Variants in RBFOX1 observed in about 807,000 individuals in gnomAD.
RBFOX1 encodes RNA binding fox-1 homolog 1.
A neutral mutation model predicts 57.7 loss-of-function variants in RBFOX1; 8 were observed. The ratio of observed to expected loss-of-function variants is 0.14; its 90% CI spans 0.08 to 0.25. The LOEUF is 0.25. Ranked by LOEUF, RBFOX1 falls within the 10% of genes least tolerant of loss-of-function variation. RBFOX1 has a pLI of 1.00. For missense variants in RBFOX1, 611 were observed against 548.5 expected (o/e 1.11, Z -1.14); for synonymous variants, 326 against 222.4 (o/e 1.47, Z -4.15).
chr16:5,287,141 C>G (rs1039912563), intron 1 of RBFOX1, among the ~76,000 whole-genome samples: 5 of 151,966 alleles, frequency 3.3e-5, no homozygotes, highest in Admixed American at 1.3e-4. Flanking sequence ...CCTGTCTCTG[C>G]AAAGAATAAA....
chr16:6,882,442 A>T (rs2063141212), intron 3 of RBFOX1, among the ~76,000 whole-genome samples: 1 of 152,016 alleles, frequency 6.6e-6, no homozygotes, highest in South Asian at 2.1e-4. Context: ...TAAAAATACA[A>T]AATTATCTGG....
intron 4 of RBFOX1, among the ~76,000 whole-genome samples, chr16:5,963,833 G>A (rs1370609541): frequency 6.6e-6 from 1 of 152,180 alleles, no homozygotes; most frequent in Non-Finnish European, 1.5e-5. Flanking sequence ...AAAGTGCCTT[G>A]ACATTGGTCT....
intron 3 of RBFOX1, among the ~76,000 whole-genome samples, chr16:7,016,221 T>C (rs1212015031): frequency 1.3e-5 from 2 of 152,158 alleles, no homozygotes; most frequent in Non-Finnish European, 2.9e-5. Context: ...CATCAACATG[T>C]ATCCCCAAGT....
chr16:6,503,778 G>C lies in RBFOX1; in HGVS notation c.-63-150825G>C, dbSNP rs548612043. On this transcript the variant is annotated intron_variant, in intron 2 of 15. Transcript: ENST00000550418. The stretch of plus-strand genomic sequence containing the variant: ...AATCCCAGAGTGAGTGATGTCTCGC[G>C]ATGGAGGAAGCTTCACACTCACCTG... 2.6e-5 allele frequency among the ~76,000 whole-genome samples: 4 copies of C among 152,254 alleles called. No individual in the cohort carries two copies. In the East Asian group the frequency reaches 5.8e-4, roughly 22 times the overall value.
At chr16:6,347,722 C>A (rs1396522181) in intron 2 of RBFOX1, among the ~76,000 whole-genome samples, 1 of 152,172 alleles carries the variant, frequency 6.6e-6, no homozygotes, top group African/African-American at 2.4e-5. Flanking sequence ...CAAATAATAT[C>A]ATAAGACACA....
chr16:6,297,719 G>T (rs1232418786), intron 1 of RBFOX1, among the ~76,000 whole-genome samples: 2 of 152,024 alleles, frequency 1.3e-5, no homozygotes, highest in East Asian at 3.9e-4. Flanking sequence ...GTTCCAGAAG[G>T]AGATGAAGAG....
intron 1 of RBFOX1, among the ~76,000 whole-genome samples, chr16:5,446,797 C>T (rs1277115118): frequency 1.3e-5 from 2 of 152,132 alleles, no homozygotes; most frequent in African/African-American, 4.8e-5. Flanking sequence ...CTAGTTCTCA[C>T]AGCTGGGCTC....
intron 4 of RBFOX1, among the ~76,000 whole-genome samples, chr16:5,963,893 T>G (rs2059797686): frequency 6.6e-6 from 1 of 151,942 alleles, no homozygotes; most frequent in African/African-American, 2.4e-5. Flanking sequence ...AAAGCAAAAA[T>G]AAAAAGTGGT....
intron 4 of RBFOX1, among the ~76,000 whole-genome samples, chr16:7,444,542 T>A (rs574635934): frequency 6.6e-6 from 1 of 150,626 alleles, no homozygotes; most frequent in South Asian, 2.1e-4. Flanking sequence ...TTGGGTAGCC[T>A]TTTTTTTTGA....
chr16:7,689,831 G>T (rs181013665), intron 14 of RBFOX1, among the ~76,000 whole-genome samples: 1 of 152,042 alleles, frequency 6.6e-6, no homozygotes, highest in Non-Finnish European at 1.5e-5. Context: ...GGCCACTGTA[G>T]AGCAGTTTCT....
intron 4 of RBFOX1, among the ~76,000 whole-genome samples, chr16:7,171,310 G>C (rs1274002113): frequency 4.6e-5 from 7 of 152,170 alleles, no homozygotes; most frequent in Admixed American, 2.0e-4. Context: ...CAGTGTCATT[G>C]TACATCCCAA....
chr16:6,710,625 C>T lies in RBFOX1; in HGVS notation c.-16+55975C>T, dbSNP rs113195925. ...AAAGAAGCCTAATTCAAATGAGCTA[C>T]AGCAAGGGAAGAAAAATTGTCTCAA... is the stretch of plus-strand genomic sequence containing the variant. On this transcript the variant is annotated intron_variant, in intron 3 of 15. Transcript: ENST00000550418. 2.8e-3 allele frequency among the ~76,000 whole-genome samples: 432 copies of T among 152,348 alleles called. 3 individuals are homozygous for T. The highest frequency in any genetic ancestry group is 0.01 in the African/African-American group (416 of 41,582).
intron 4 of RBFOX1, among the ~76,000 whole-genome samples, chr16:7,129,015 T>G (rs2069436134): frequency 6.6e-6 from 1 of 151,948 alleles, no homozygotes; most frequent in Non-Finnish European, 1.5e-5. Flanking sequence ...GAGATGAGGT[T>G]TCACCATGTT....
At chr16:7,475,263 G>A (rs1324369077) in intron 4 of RBFOX1, among the ~76,000 whole-genome samples, 1 of 151,902 alleles carries the variant, frequency 6.6e-6, no homozygotes, top group African/African-American at 2.4e-5. Context: ...TCCTTCAAAG[G>A]GAGGAGTGTG....
intron 3 of RBFOX1, among the ~76,000 whole-genome samples, chr16:6,859,119 A>ATATATATATATGTATATATATATATATG (rs2058442693): frequency 1.1e-4 from 9 of 82,178 alleles, no homozygotes; most frequent in Admixed American, 2.8e-4. Context: ...GTGTATATAT[A>ATATATATATATGTATATATATATATATG]TATATATATA....
In RBFOX1 at chr16:5,630,372, G is replaced by A. The variant is rs374380804; in HGVS notation, c.318+31411G>A. ...CTCAGGAGGCTGAGGGAGGAGAATC[G>A]TTTGAACCCGGGAGGTGGAGTTTGC... On this transcript the variant is annotated intron_variant, in intron 3 of 19. Transcript: ENST00000641259. Among the ~76,000 whole-genome samples the A allele has an allele frequency of 2.6e-4, 39 of 152,156 alleles. No homozygotes were observed. In the East Asian group the frequency reaches 4.8e-3, roughly 19 times the overall value.
chr16:7,560,847 G>C (rs992611629), intron 5 of RBFOX1, among the ~76,000 whole-genome samples: 1 of 152,190 alleles, frequency 6.6e-6, no homozygotes, highest in African/African-American at 2.4e-5. Context: ...ATTTGCTCCT[G>C]AGCTCTGCTA....
intron 3 of RBFOX1, among the ~76,000 whole-genome samples, chr16:6,850,899 C>T (rs903212440): frequency 3.3e-5 from 5 of 152,140 alleles, no homozygotes; most frequent in African/African-American, 1.2e-4. Flanking sequence ...AATGAAAACA[C>T]ATCCACAAAA....
chr16:6,155,526 C>G (rs917348725), intron 1 of RBFOX1, among the ~76,000 whole-genome samples: 8 of 152,214 alleles, frequency 5.3e-5, no homozygotes, highest in Non-Finnish European at 1.0e-4. Flanking sequence ...AGCTTTTAAC[C>G]TCCAGGTTAC....
Sources: gnomAD v4.1 joint callset for allele counts (sites outside exome capture counted in the v4.1 genomes callset) on GRCh38, gnomAD v4.1.1 for gene constraint, MANE v1.5 for transcripts, NCBI Gene and HGNC (gene_info 2026-07-23, HGNC 2026-07-21) for gene names.